Variants in SNX6 observed in about 807,000 individuals in gnomAD.
SNX6 encodes sorting nexin 6, also known as sorting nexin-6.
Under a neutral mutation model 63.0 loss-of-function variants are expected in SNX6, and 34 were observed. The ratio of observed to expected loss-of-function variants is 0.54; its 90% CI spans 0.41 to 0.72. The LOEUF is 0.72. SNX6 is among the 30% of genes least tolerant of loss of function. The pLI, the probability that SNX6 is intolerant of heterozygous loss-of-function variation, is 0.00. For missense variants in SNX6, 398 were observed against 471.4 expected, an observed-to-expected ratio of 0.84 and a Z score of 1.44; for synonymous variants, 170 against 164.2, an observed-to-expected ratio of 1.04 and a Z score of -0.27.
Position 34,608,001 on chromosome 14 carries a change from T to C in SNX6, c.270+29A>G, listed in dbSNP as rs373196584. 65 of 1,169,378 alleles carry C rather than the reference T, an allele frequency of 5.6e-5. No homozygotes were observed. In the African/African-American group the frequency reaches 7.5e-4, roughly 13 times the overall value. The allele number at this position is 1,169,378 out of a possible 1,614,324, so 72.4% of individuals were successfully genotyped here. ...GAAGTACCTAAAACCTCCTAGAAAA[T>C]GGAATTAAAATGGAGTCTCAATACT... On this transcript the variant is annotated intron_variant, in intron 4 of 13. Transcript: ENST00000362031.
chr14:34,602,091 A>C (rs1566482974), intron 6 of SNX6, among the ~76,000 whole-genome samples: 1 of 149,986 alleles, frequency 6.7e-6, no homozygotes, highest in Non-Finnish European at 1.5e-5. Flanking sequence ...GGAGTTCGAG[A>C]CCAGCCTGGC....
rs573832374 is a variant in SNX6 at position 34,583,441 on chromosome 14, T to C, written c.795-1841A>G. On this transcript the variant is annotated intron_variant, in intron 9 of 13. Transcript: ENST00000362031. ...AAATTGGTTATTCATTTTTTTCTTT[T>C]TTTTTTTTTTGAGATGGGCTATCAT... Among the ~76,000 whole-genome samples, 443 of 141,280 alleles carry C rather than the reference T, an allele frequency of 3.1e-3. 8 individuals carry two copies. Among genetic ancestry groups the C allele is most frequent in the African/African-American group, 0.011 (424 of 38,964 alleles). The allele number at this position is 141,280 out of a possible 152,430, so 92.7% of individuals were successfully genotyped here. A position where few individuals can be genotyped will look rare whatever the true frequency, so the allele number is the denominator to read the frequency against.
At chr14:34,574,060 G>A (rs565991888) in intron 11 of SNX6, among the ~76,000 whole-genome samples, 41 of 151,984 alleles carry the variant, frequency 2.7e-4, no homozygotes, top group Non-Finnish European at 5.0e-4. Context: ...TTTTGCGGCC[G>A]GGTGTGGTAG....
chr14:34,626,374 G>A (rs1883823033), intron 2 of SNX6, among the ~76,000 whole-genome samples: 1 of 151,826 alleles, frequency 6.6e-6, no homozygotes, highest in East Asian at 1.9e-4. Flanking sequence ...AGTCTCTGGG[G>A]CCAGGCACGG....
intron 10 of SNX6, among the ~76,000 whole-genome samples, chr14:34,580,661 ATT>A (rs11424362): frequency 1.9e-4 from 27 of 138,496 alleles, no homozygotes; most frequent in Non-Finnish European, 2.2e-4. Flanking sequence ...GAGGGATTCC[ATT>A]TTTTTTTTTT....
chr14:34,565,134 G>T (rs1475178294), intron 13 of SNX6, among the ~76,000 whole-genome samples: 1 of 148,334 alleles, frequency 6.7e-6, no homozygotes, highest in Non-Finnish European at 1.5e-5. Flanking sequence ...CTGGACTGCA[G>T]TGGCATGATC....
intron 7 of SNX6, 90 bp from the exon 8 acceptor site, chr14:34,593,240 T>G (rs1882469871): frequency 1.3e-6 from 1 of 770,158 alleles, no homozygotes; most frequent in Non-Finnish European, 2.1e-6. Context: ...TAAAAGATCA[T>G]CAGTAAAATA....
chr14:34,620,840 C>A (rs1205079642), intron 2 of SNX6, among the ~76,000 whole-genome samples: 2 of 151,960 alleles, frequency 1.3e-5, no homozygotes, highest in African/African-American at 4.8e-5. Flanking sequence ...ACTCAGGAAG[C>A]TGAGACACAA....
chr14:34,611,295 G>A (rs1169623312), intron 2 of SNX6, among the ~76,000 whole-genome samples: 1 of 151,256 alleles, frequency 6.6e-6, no homozygotes, highest in South Asian at 2.1e-4. Flanking sequence ...TGGCCAACAC[G>A]GCAAAACCCC....
chr14:34,600,262 T>C (rs1882758311), intron 6 of SNX6, among the ~76,000 whole-genome samples: 1 of 152,078 alleles, frequency 6.6e-6, no homozygotes, highest in Non-Finnish European at 1.5e-5. Context: ...GTAGCTGGGA[T>C]TACAGGCAAG....
chr14:34,630,137 C>A lies in SNX6; in HGVS notation c.-21G>T, dbSNP rs906650419. ...ATCATGGCTGCTCCGAGGCGAGGGC[C>A]GGCGCAGGCGCGCATCTCCCTGCTG... On this transcript the variant is annotated 5_prime_UTR_variant, in exon 1 of 14. Coordinates refer to ENST00000362031, the MANE Select transcript of SNX6 (RefSeq NM_152233.4). 13 of 1,307,576 alleles carry A rather than the reference C, an allele frequency of 9.9e-6. No homozygotes were observed. The highest frequency in any genetic ancestry group is 1.5e-5 in the African/African-American group (1 of 64,616). The allele number at this position is 1,307,576 out of a possible 1,614,324, so 81.0% of individuals were successfully genotyped here.
chr14:34,583,917 G>A (rs1882047813), intron 9 of SNX6, among the ~76,000 whole-genome samples: 1 of 148,714 alleles, frequency 6.7e-6, no homozygotes, highest in Non-Finnish European at 1.5e-5. Context: ...GCGCAATCTC[G>A]GCTCACTGCA....
intron 9 of SNX6, among the ~76,000 whole-genome samples, chr14:34,582,793 T>C (rs555599283): frequency 9.2e-5 from 14 of 151,480 alleles, no homozygotes; most frequent in Middle Eastern, 3.4e-3. Context: ...TCTGCCCACC[T>C]TGGCCTCCCA....
At chr14:34,563,340 C>T (rs1199459472) in intron 13 of SNX6, among the ~76,000 whole-genome samples, 165 bp from the exon 14 acceptor site, 1 of 152,016 alleles carries the variant, frequency 6.6e-6, no homozygotes, top group Non-Finnish European at 1.5e-5. Context: ...GGGTGGATCA[C>T]GAGGTCAGGA....
intron 11 of SNX6, chr14:34,568,944 C>T (rs1881316924): frequency 5.9e-6 from 8 of 1,350,798 alleles, no homozygotes; most frequent in Admixed American, 3.4e-5. Flanking sequence ...ACAGGTGCCA[C>T]GCTGTGGAAG....
chr14:34,614,946 ATTTTT>A (rs1005919152), intron 2 of SNX6, among the ~76,000 whole-genome samples: 4 of 148,356 alleles, frequency 2.7e-5, no homozygotes, highest in Non-Finnish European at 4.5e-5. Flanking sequence ...TTGCTTTCAG[ATTTTT>A]TTTTTTAACT....
intron 3 of SNX6, among the ~76,000 whole-genome samples, chr14:34,609,268 G>A (rs760319857): frequency 6.6e-6 from 1 of 151,648 alleles, no homozygotes; most frequent in South Asian, 2.1e-4. Flanking sequence ...GTTGGAGATC[G>A]AGACCATCCT....
At chr14:34,627,918 G>A (rs1425775771) in intron 2 of SNX6, among the ~76,000 whole-genome samples, 1 of 152,162 alleles carries the variant, frequency 6.6e-6, no homozygotes, top group Non-Finnish European at 1.5e-5. Context: ...ATTGTGCCTG[G>A]CCGAAACTAA....
chr14:34,616,494 C>T (rs1594747376), intron 2 of SNX6, among the ~76,000 whole-genome samples: 2 of 152,120 alleles, frequency 1.3e-5, no homozygotes, highest in Non-Finnish European at 2.9e-5. Context: ...CTCAGCCTTC[C>T]AGGTAGCTGG....
Sources: allele counts gnomAD v4.1 joint callset (sites outside exome capture counted in the v4.1 genomes callset), GRCh38; gene constraint gnomAD v4.1.1; transcripts MANE v1.5; gene names NCBI Gene and HGNC (gene_info 2026-07-23, HGNC 2026-07-21).